Variants in MGAM observed in about 807,000 individuals in gnomAD.
The protein encoded by MGAM is alpha-1,4-glucosidase.
In MGAM, 253 loss-of-function variants were observed where a neutral mutation model predicts 358.8. That is an observed-to-expected ratio of 0.71 (90% CI 0.64 to 0.78). The LOEUF (loss-of-function observed/expected upper bound fraction) is 0.78, where lower values mean the gene tolerates loss of function less well. Ranked by LOEUF, MGAM falls within the 30% of genes least tolerant of loss-of-function variation. The pLI is 0.00. For missense variants in MGAM, 3,080 were observed against 3,432.6 expected (o/e 0.90, Z 2.57); for synonymous variants, 1,105 against 1,227.1 (o/e 0.90, Z 2.08).
At chr7:141,990,825 C>T (rs190028824) in intron 2 of MGAM, among the ~76,000 whole-genome samples, 14 of 152,330 alleles carry the variant, frequency 9.2e-5, no homozygotes, top group African/African-American at 3.4e-4. Context: ...CTGCTCCCTT[C>T]GCCCAAAATA....
At chr7:142,039,267 G>A (rs531556778) in intron 19 of MGAM, among the ~76,000 whole-genome samples, 97 of 151,870 alleles carry the variant, frequency 6.4e-4, no homozygotes, top group African/African-American at 2.2e-3. Flanking sequence ...CACCAAGCTC[G>A]GCTAATTTTG....
intron 31 of MGAM, among the ~76,000 whole-genome samples, chr7:142,058,537 C>T (rs1028640573): frequency 8.5e-5 from 13 of 152,250 alleles, no homozygotes; most frequent in East Asian, 3.8e-4. Context: ...CAGCATGACT[C>T]GCCAGAGTGG....
chr7:142,081,917 T>G, intron 50 of MGAM, 125 bp from the exon 51 acceptor site: 1 of 1,016,016 alleles, frequency 9.8e-7, no homozygotes, highest in Non-Finnish European at 1.5e-6. Context: ...TGAGTTTCAG[T>G]TTTGTTTGGG....
intron 26 of MGAM, among the ~76,000 whole-genome samples, chr7:142,054,285 A>G (rs1486601996): frequency 2.0e-5 from 3 of 152,186 alleles, no homozygotes; most frequent in Non-Finnish European, 4.4e-5. Flanking sequence ...TCACGTCCCT[A>G]GTGTCTTGTG....
Position 142,060,297 on chromosome 7 carries a change from A to T in MGAM, c.4060-14A>T. On this transcript the variant is annotated splice_polypyrimidine_tract_variant and intron_variant, in intron 33 of 70. Transcript: ENST00000475668. ...TGTCTAGTGCATCGCTACTGAACGT[A>T]TTTCTCTCCATAGGTCTGGCCTGAT... 1 of 1,613,528 alleles carries T rather than the reference A, an allele frequency of 6.2e-7. No individual in the cohort carries two copies. Among genetic ancestry groups the T allele is most frequent in the Non-Finnish European group, 8.5e-7 (1 of 1,179,432 alleles).
chr7:142,050,622 G>T, intron 23 of MGAM, 75 bp from the exon 24 acceptor site: 2 of 1,444,708 alleles, frequency 1.4e-6, no homozygotes, highest in Non-Finnish European at 1.9e-6. Context: ...GGTCTGGAAT[G>T]GAATATTTGA....
At chr7:142,101,116 T>C (rs932860819) in intron 68 of MGAM, among the ~76,000 whole-genome samples, 1 of 152,228 alleles carries the variant, frequency 6.6e-6, no homozygotes, top group Non-Finnish European at 1.5e-5. Flanking sequence ...TAATCCACTA[T>C]AGAAGGTAGC....
intron 13 of MGAM, among the ~76,000 whole-genome samples, 170 bp downstream of exon 13, chr7:142,031,963 A>G (rs564515069): frequency 1.3e-5 from 2 of 152,044 alleles, no homozygotes; most frequent in Non-Finnish European, 2.9e-5. Flanking sequence ...GCTAAAACAC[A>G]TAGCTTAGAA....
rs551550161 is a variant in MGAM, at chr7:142,088,723, G to T, written c.6810+2006G>T. ...CCATCCAGCCACCCTATTCATTTAT[G>T]TCTGTCTGTCTGTCTGTCTGTCTGT... On this transcript the variant is annotated intron_variant, in intron 57 of 70. Transcript: ENST00000475668. 1.9e-4 allele frequency among the ~76,000 whole-genome samples: 17 copies of T among 88,402 alleles called. 1 individual carries two copies. In the South Asian group the frequency reaches 6.8e-3, roughly 35 times the overall value. The allele number at this position is 88,402 out of a possible 152,430, so 58.0% of individuals were successfully genotyped here.
At chr7:142,057,615 G>A (rs1347823223) in intron 30 of MGAM, among the ~76,000 whole-genome samples, 2 of 149,990 alleles carry the variant, frequency 1.3e-5, no homozygotes, top group Non-Finnish European at 3.0e-5. Context: ...GTGGGGGCAC[G>A]ATCGTGGTAC....
In MGAM at chr7:142,056,160, T is replaced by C. The variant is rs967466674; in HGVS notation, c.3580+64T>C. ...CAATCATGCCTGAGTCAATTTACAA[T>C]GTGTTTAGCCTAACTGTTCCTTGAA... On this transcript the variant is annotated intron_variant, in intron 29 of 70. Coordinates refer to ENST00000475668, the MANE Select transcript of MGAM (RefSeq NM_001365693.1). The C allele has an allele frequency of 6.8e-6, 10 of 1,478,398 alleles. No individual in the cohort carries two copies. The African/African-American group carries it at 9.7e-5, about 14-fold the overall frequency. 91.6% of individuals were successfully genotyped at this position (1,478,398 alleles called of 1,614,324 possible).
In MGAM at chr7:142,098,032, A is replaced by G. The variant is rs532716435; in HGVS notation, c.7749+383A>G. On this transcript the variant is annotated intron_variant, in intron 66 of 70. Coordinates refer to ENST00000475668, the MANE Select transcript of MGAM (RefSeq NM_001365693.1). Reference sequence around the variant, plus strand: ...CTTTACCTGCTGTAAGTTTGTAAGCATAGAGGCCTTTTTGTCTCTGTCTTT... The same window carrying G: ...CTTTACCTGCTGTAAGTTTGTAAGCGTAGAGGCCTTTTTGTCTCTGTCTTT... 3.3e-5 allele frequency among the ~76,000 whole-genome samples: 5 copies of G among 152,360 alleles called. No individual in the cohort carries two copies. In the South Asian group the frequency reaches 1.0e-3, roughly 32 times the overall value.
At position 142,098,193 on chromosome 7, in the gene MGAM, G is replaced by A. The variant is rs1485994103; in HGVS notation, c.7749+544G>A. ...GACCCAACCCTTGTGAGTCTAAGCA[G>A]TGCAAGTGCATTTAGAAATGAGGAA... On this transcript the variant is annotated intron_variant, in intron 66 of 70. Coordinates refer to ENST00000475668, the MANE Select transcript of MGAM (RefSeq NM_001365693.1). 5.0e-5 allele frequency among the ~76,000 whole-genome samples: 7 copies of A among 140,960 alleles called. No homozygotes were observed. The East Asian group carries it at 1.1e-3, about 22-fold the overall frequency. The allele number at this position is 140,960 out of a possible 152,430, so 92.5% of individuals were successfully genotyped here. A position where few individuals can be genotyped will look rare whatever the true frequency, so the allele number is the denominator to read the frequency against.
At chr7:142,011,907 C>G (rs1805630424) in intron 3 of MGAM, among the ~76,000 whole-genome samples, 1 of 152,116 alleles carries the variant, frequency 6.6e-6, no homozygotes, top group Non-Finnish European at 1.5e-5. Flanking sequence ...GCCAGCCTAA[C>G]AAGCTAAATT....
chr7:142,024,078 T>G (rs1173032330), intron 7 of MGAM, among the ~76,000 whole-genome samples: 1 of 151,856 alleles, frequency 6.6e-6, no homozygotes, highest in Non-Finnish European at 1.5e-5. Context: ...TACAAAAAAT[T>G]AGCTGGGCAT....
chr7:142,042,626 C>A (rs1295445930), intron 21 of MGAM, among the ~76,000 whole-genome samples: 1 of 1,720 alleles, frequency 5.8e-4, no homozygotes, highest in Non-Finnish European at 9.1e-4. Context: ...ATTATATATA[C>A]ATATTATATA....
chr7:142,015,011 C>T (rs1486689958), intron 3 of MGAM, among the ~76,000 whole-genome samples: 4 of 152,014 alleles, frequency 2.6e-5, no homozygotes, highest in African/African-American at 9.7e-5. Flanking sequence ...AATTGATCTC[C>T]AAAGTGGCTG....
At chr7:142,070,329 A>G (rs2129047331) in intron 43 of MGAM, among the ~76,000 whole-genome samples, 1 of 146,522 alleles carries the variant, frequency 6.8e-6, no homozygotes, top group East Asian at 2.0e-4. Context: ...CTCATTCTAG[A>G]GCACAAGCTG....
At chr7:142,014,970 A>T (rs1451998411) in intron 3 of MGAM, among the ~76,000 whole-genome samples, 3 of 152,050 alleles carry the variant, frequency 2.0e-5, no homozygotes, top group East Asian at 3.8e-4. Flanking sequence ...GTGATTTTAG[A>T]TATATATCTT....
Sources: gnomAD v4.1 joint callset for allele counts (sites outside exome capture counted in the v4.1 genomes callset) on GRCh38, gnomAD v4.1.1 for gene constraint, MANE v1.5 for transcripts, NCBI Gene and HGNC (gene_info 2026-07-23, HGNC 2026-07-21) for gene names.